Variants in TPO observed in about 807,000 individuals in gnomAD.
The protein encoded by TPO is thyroid microsomal antigen.
In TPO, 78 loss-of-function variants were observed where a neutral mutation model predicts 96.9. The ratio of observed to expected loss-of-function variants is 0.81; its 90% CI spans 0.67 to 0.97. The LOEUF is 0.97. Ranked by LOEUF, TPO falls within the 50% of genes least tolerant of loss-of-function variation. TPO has a pLI of 0.00. For missense variants in TPO, 1,252 were observed against 1,274.8 expected, an observed-to-expected ratio of 0.98 and a Z score of 0.27; for synonymous variants, 547 against 538.0, an observed-to-expected ratio of 1.02 and a Z score of -0.23.
chr2:1,529,096 C>G (rs1677350778), intron 15 of TPO, among the ~76,000 whole-genome samples: 1 of 129,412 alleles, frequency 7.7e-6, no homozygotes, highest in African/African-American at 3.2e-5. Context: ...TGTGTTTAAC[C>G]TCTCCAAATC....
intron 9 of TPO, 88 bp downstream of exon 9, chr2:1,484,942 A>G: frequency 1.9e-6 from 3 of 1,569,278 alleles, no homozygotes; most frequent in South Asian, 1.2e-5. Context: ...GTTCTAGGGT[A>G]CATGTGCACA....
intron 3 of TPO, among the ~76,000 whole-genome samples, chr2:1,429,263 C>T (rs78227993): frequency 0.47 from 70,906 of 151,416 alleles, 16,931 homozygotes; most frequent in Middle Eastern, 0.52. Flanking sequence ...CCCCATTCAA[C>T]TTCTGCCATG....
intron 2 of TPO, among the ~76,000 whole-genome samples, chr2:1,422,329 G>GTGCCGCGCTGGACCGACCTCGTGCAGC (rs1663693736): frequency 1.6e-4 from 13 of 83,598 alleles, no homozygotes; most frequent in African/African-American, 6.3e-4. Flanking sequence ...CCTCGTGCAG[G>GTGCCGCGCTGGACCGACCTCGTGCAGC]CGCCTCTCCT....
chr2:1,423,975 G>T (rs1460427448), intron 3 of TPO, among the ~76,000 whole-genome samples: 1 of 152,214 alleles, frequency 6.6e-6, no homozygotes, highest in East Asian at 1.9e-4. Flanking sequence ...AGTAAGAAGT[G>T]TGTGCTGCTC....
In TPO at chr2:1,477,277, G is replaced by A. The variant is rs375966990; in HGVS notation, c.1011G>A (p.Glu337=). ...STVYGSSPAL[E]RQLRNWTSAE... is the part of the protein sequence containing the mutation. ...TGTATGGCAGCTCCCCGGCCCTAGA[G>A]AGGCAGCTGCGGAACTGGACCAGTG... The change falls in exon 8 of 17, where the codon GAG becomes GAA. Residue 337 remains glutamate, a synonymous_variant. Transcript: ENST00000329066. 1 of 1,599,972 alleles carries A rather than the reference G, an allele frequency of 6.3e-7. No homozygotes were observed. Among genetic ancestry groups the A allele is most frequent in the Non-Finnish European group, 8.5e-7 (1 of 1,174,840 alleles).
chr2:1,411,016 T>C (rs1386369026), upstream of TPO, among the ~76,000 whole-genome samples: 1 of 152,044 alleles, frequency 6.6e-6, no homozygotes, highest in Non-Finnish European at 1.5e-5. Flanking sequence ...CATTCTCCCA[T>C]TATGTGATAG....
intron 2 of TPO, among the ~76,000 whole-genome samples, chr2:1,420,045 G>C (rs28910001): frequency 0.031 from 4,769 of 152,260 alleles, 255 homozygotes; most frequent in African/African-American, 0.11. Context: ...TCTGATGAGA[G>C]TTATGTGTCT....
At chr2:1,441,652 A>G (rs560825813) in intron 5 of TPO, among the ~76,000 whole-genome samples, 15 of 152,040 alleles carry the variant, frequency 9.9e-5, no homozygotes, top group African/African-American at 3.6e-4. Flanking sequence ...GTTGTTCCTC[A>G]CCTGTGTGTT....
chr2:1,478,857 CAAACACAGA>C, intron 8 of TPO, among the ~76,000 whole-genome samples: 1 of 149,292 alleles, frequency 6.7e-6, no homozygotes, highest in East Asian at 2.0e-4. Flanking sequence ...ATCCACACAG[CAAACACAGA>C]AGACGAGCTC....
At chr2:1,409,711 A>C (rs1011299441), upstream of TPO, among the ~76,000 whole-genome samples, 2 of 152,092 alleles carry the variant, frequency 1.3e-5, no homozygotes, top group African/African-American at 2.4e-5. Flanking sequence ...GTCGGGGGTC[A>C]TCAGGTCCCT....
intron 8 of TPO, 92 bp from the exon 9 acceptor site, chr2:1,484,504 C>G (rs1274075090): frequency 6.5e-7 from 1 of 1,541,790 alleles, no homozygotes; most frequent in East Asian, 2.3e-5. Flanking sequence ...TTCCCTGGGG[C>G]TGTCAAGGAA....
chr2:1,445,815 T>C (rs574615549), intron 5 of TPO, among the ~76,000 whole-genome samples: 12 of 24,300 alleles, frequency 4.9e-4, no homozygotes, highest in Non-Finnish European at 1.3e-3. Flanking sequence ...GGAGGTACCA[T>C]GTTGGAAGGG....
At chr2:1,530,346 CAAG>C (rs1677807259) in intron 15 of TPO, among the ~76,000 whole-genome samples, 1 of 143,136 alleles carries the variant, frequency 7.0e-6, no homozygotes, top group African/African-American at 2.6e-5. Flanking sequence ...CAAATCCCCC[CAAG>C]TGTGTGCAAC....
intron 1 of TPO, among the ~76,000 whole-genome samples, chr2:1,375,205 G>A (rs1661704565): frequency 6.6e-6 from 1 of 151,984 alleles, no homozygotes; most frequent in Admixed American, 6.6e-5. Flanking sequence ...ATGTTGGTTA[G>A]GCAGACGATA....
chr2:1,412,197 A>AGTCTCC (rs1662413167), upstream of TPO, among the ~76,000 whole-genome samples: 2 of 152,254 alleles, frequency 1.3e-5, no homozygotes, highest in Non-Finnish European at 2.9e-5. Context: ...TGTCACAGCC[A>AGTCTCC]GTCTCCTTTC....
At chr2:1,487,683 G>A in intron 9 of TPO, 138 bp from the exon 10 acceptor site, 2 of 1,110,208 alleles carry the variant, frequency 1.8e-6, no homozygotes, top group Non-Finnish European at 2.6e-6. Flanking sequence ...CTTGCAGTGA[G>A]CTGAGATCGC....
In TPO at chr2:1,540,561, CTCTCCCGATAACTGGACACGTG is replaced by C. The variant is rs1220795019; in HGVS notation, c.2619-26_2619-5del. ...CCCTCCACAGTCACGGTGCCGGACC[CTCTCCCGATAACTGGACACGTG>C]TCTCCCACAGGACACGCACTGGCAC... On this transcript the variant is annotated splice_polypyrimidine_tract_variant and intron_variant, in intron 15 of 16. Coordinates refer to ENST00000329066, the MANE Select transcript of TPO (RefSeq NM_001206744.2). 3 of 1,611,042 alleles carry C rather than the reference CTCTCCCGATAACTGGACACGTG, an allele frequency of 1.9e-6. No homozygotes were observed. The highest frequency in any genetic ancestry group is 2.5e-6 in the Non-Finnish European group (3 of 1,180,008).
intron 5 of TPO, among the ~76,000 whole-genome samples, chr2:1,444,016 C>A (rs986461903): frequency 7.1e-6 from 1 of 140,230 alleles, no homozygotes; most frequent in African/African-American, 2.7e-5. Flanking sequence ...GCAGGAGGCA[C>A]CATGTTGGAA....
intron 5 of TPO, among the ~76,000 whole-genome samples, chr2:1,440,304 A>G (rs1024953196): frequency 5.9e-5 from 9 of 151,924 alleles, no homozygotes; most frequent in Admixed American, 5.9e-4. Flanking sequence ...GGATTTTAAA[A>G]CTCATCCATT....
Sources: gnomAD v4.1 joint callset for allele counts (sites outside exome capture counted in the v4.1 genomes callset) on GRCh38, gnomAD v4.1.1 for gene constraint, MANE v1.5 for transcripts, NCBI Gene and HGNC (gene_info 2026-07-23, HGNC 2026-07-21) for gene names.